Variants in TRPC3 observed in about 807,000 individuals in gnomAD.
TRPC3 encodes the protein transient receptor potential cation channel subfamily C member 3.
A neutral mutation model predicts 90.9 loss-of-function variants in TRPC3; 54 were observed. That is an observed-to-expected ratio of 0.59 (90% confidence interval 0.48 to 0.75). TRPC3 has a LOEUF of 0.75. TRPC3 is among the 30% of genes least tolerant of loss of function. The pLI, the probability that TRPC3 is intolerant of heterozygous loss-of-function variation, is 0.00. For missense variants in TRPC3, 918 were observed against 1,194.5 expected (o/e 0.77, Z 3.41); for synonymous variants, 424 against 450.9 (o/e 0.94, Z 0.75).
At chr4:121,940,882 G>C (rs1051238378) in intron 1 of TRPC3, among the ~76,000 whole-genome samples, 1 of 151,896 alleles carries the variant, frequency 6.6e-6, no homozygotes, top group African/African-American at 2.4e-5. Flanking sequence ...TTTTATTCTT[G>C]ACATATTATC....
intron 6 of TRPC3, among the ~76,000 whole-genome samples, chr4:121,909,645 A>G (rs13127488): frequency 0.26 from 39,641 of 151,920 alleles, 6,369 homozygotes; most frequent in East Asian, 0.43. Context: ...CATCCTCCCA[A>G]AATATTTCTG....
At chr4:121,881,363 C>T (rs1456172155) in intron 11 of TRPC3, among the ~76,000 whole-genome samples, 2 of 152,046 alleles carry the variant, frequency 1.3e-5, no homozygotes, top group Non-Finnish European at 2.9e-5. Context: ...CCGTTTTAGC[C>T]ATACAGTTCT....
At chr4:121,886,864 A>C (rs2149106934) in intron 10 of TRPC3, among the ~76,000 whole-genome samples, 1 of 152,312 alleles carries the variant, frequency 6.6e-6, no homozygotes, top group African/African-American at 2.4e-5. Context: ...TAAGGACTGC[A>C]ACCTGGGGAG....
chr4:121,948,206 T>C lies in TRPC3; in HGVS notation c.215+3260A>G, dbSNP rs1308178228. ...AAAAAAAAAAACAAAAAGAGAACTA[T>C]CTGAAAAATCAGATCCTCACCTTTG... On this transcript the variant is annotated intron_variant, in intron 1 of 11. Transcript: ENST00000379645. Among the ~76,000 whole-genome samples the C allele has an allele frequency of 3.9e-5, 6 of 151,930 alleles. No homozygotes were observed. In the East Asian group the frequency reaches 1.2e-3, roughly 29 times the overall value.
At chr4:121,947,271 G>C (rs1730522584) in intron 1 of TRPC3, among the ~76,000 whole-genome samples, 2 of 150,656 alleles carry the variant, frequency 1.3e-5, no homozygotes. Flanking sequence ...AACTATAACT[G>C]TAAAGAAAGC....
chr4:121,884,705 C>G, intron 10 of TRPC3, among the ~76,000 whole-genome samples: 1 of 152,156 alleles, frequency 6.6e-6, no homozygotes, highest in South Asian at 2.1e-4. Context: ...GCTCATTTTT[C>G]CAGTCACTGT....
chr4:121,900,162 C>T (rs982197980), intron 9 of TRPC3, among the ~76,000 whole-genome samples: 2 of 152,186 alleles, frequency 1.3e-5, no homozygotes, highest in Non-Finnish European at 2.9e-5. Flanking sequence ...AACACATCTT[C>T]CAAAGCATCT....
chr4:121,888,558 T>G (rs1346244440), intron 10 of TRPC3, among the ~76,000 whole-genome samples: 2 of 142,010 alleles, frequency 1.4e-5, no homozygotes, highest in Non-Finnish European at 3.1e-5. Flanking sequence ...GCAGACCAAG[T>G]TCTGTTTTTT....
At chr4:121,890,779 C>T (rs1728297107) in intron 10 of TRPC3, among the ~76,000 whole-genome samples, 1 of 151,850 alleles carries the variant, frequency 6.6e-6, no homozygotes, top group Non-Finnish European at 1.5e-5. Flanking sequence ...ATCATGAGGT[C>T]AGGAGATCGA....
chr4:121,887,109 G>A (rs79898202), intron 10 of TRPC3, among the ~76,000 whole-genome samples: 8,578 of 152,174 alleles, frequency 0.056, 522 homozygotes, highest in African/African-American at 0.15. Context: ...CTCAGGCGTG[G>A]GTAGAGGTAG....
At chr4:121,949,106 A>T (rs908595472) in intron 1 of TRPC3, among the ~76,000 whole-genome samples, 1 of 152,166 alleles carries the variant, frequency 6.6e-6, no homozygotes, top group African/African-American at 2.4e-5. Context: ...TTTGGAATTC[A>T]TCACATATAC....
intron 1 of TRPC3, among the ~76,000 whole-genome samples, chr4:121,942,175 T>C (rs1299478676): frequency 1.3e-5 from 2 of 152,226 alleles, no homozygotes; most frequent in Non-Finnish European, 2.9e-5. Flanking sequence ...CCAGCACTTA[T>C]AAGCCCAGAG....
chr4:121,876,167 G>A lies in TRPC3; in HGVS notation c.*3569C>T, dbSNP rs1317976212. ...ACCTGCTTCAACGTCCCAAAGTGCT[G>A]CGATTACAGGTGTGCACCACTGTGC... On this transcript the variant is annotated 3_prime_UTR_variant, in exon 12 of 12. Coordinates refer to ENST00000379645, the MANE Select transcript of TRPC3 (RefSeq NM_001130698.2). 6.6e-6 allele frequency among the ~76,000 whole-genome samples: 1 copy of A among 151,966 alleles called. No homozygotes were observed. The highest frequency in any genetic ancestry group is 1.9e-4 in the East Asian group (1 of 5,178).
chr4:121,921,875 T>C (rs1300645292), intron 3 of TRPC3, among the ~76,000 whole-genome samples: 1 of 151,528 alleles, frequency 6.6e-6, no homozygotes, highest in Admixed American at 6.6e-5. Flanking sequence ...TGGGTGAGTG[T>C]TGACTGAAAA....
Position 121,933,236 on chromosome 4 carries a change from T to A in TRPC3, c.216-194A>T, listed in dbSNP as rs1730017087. The stretch of plus-strand genomic sequence containing the variant: ...CTGTGATCTAACCCTGGCTGCTAGA[T>A]CCCAGAAGGAAGCCGGCAGCCCTTC... On this transcript the variant is annotated intron_variant, in intron 1 of 11. Coordinates refer to ENST00000379645, the MANE Select transcript of TRPC3 (RefSeq NM_001130698.2). 6 of 1,204,798 alleles carry A rather than the reference T, an allele frequency of 5.0e-6. No homozygotes were observed. The South Asian group carries it at 1.4e-4, about 28-fold the overall frequency. 74.6% of individuals were successfully genotyped at this position (1,204,798 alleles called of 1,614,324 possible).
intron 1 of TRPC3, among the ~76,000 whole-genome samples, chr4:121,939,252 A>G (rs896921254): frequency 1.3e-5 from 2 of 152,152 alleles, no homozygotes; most frequent in African/African-American, 4.8e-5. Flanking sequence ...GATCATGGAG[A>G]AGTTCAGATT....
At position 121,904,431 on chromosome 4, in the gene TRPC3, A is replaced by T. The variant is rs1288145887; in HGVS notation, c.2144T>A (p.Phe715Tyr). The T allele has an allele frequency of 3.7e-6, 6 of 1,606,548 alleles. No homozygotes were observed. Among genetic ancestry groups the T allele is most frequent in the Non-Finnish European group, 5.1e-6 (6 of 1,177,896 alleles). The change falls in exon 8 of 12, where the codon TTC (phenylalanine) becomes TAC (tyrosine). Residue 715 changes from phenylalanine to tyrosine, a missense_variant. Phe to Tyr is a conservative substitution (Grantham distance 22). Around this residue, in one of 4 missense-constraint regions of TRPC3, gnomAD observed 147 missense variants for 263.5 expected, o/e 0.56. Coordinates refer to ENST00000379645, the MANE Select transcript of TRPC3 (RefSeq NM_001130698.2). ...TSVVLKYDHK[F>Y]IENIGYVLYG... ...AAGAACGTATCCAATATTTTCTATG[A>T]ATTTGTGATCATATTTGAGCACAAC...
intron 5 of TRPC3, among the ~76,000 whole-genome samples, chr4:121,910,715 C>T (rs1421991658): frequency 6.6e-6 from 1 of 152,120 alleles, no homozygotes; most frequent in Non-Finnish European, 1.5e-5. Context: ...GGAGAGAAGG[C>T]TCTTCAAGTT....
chr4:121,922,944 T>C (rs777333699), intron 3 of TRPC3, among the ~76,000 whole-genome samples: 2 of 152,238 alleles, frequency 1.3e-5, no homozygotes, highest in Non-Finnish European at 2.9e-5. Context: ...CACATTTGAC[T>C]ATCTTATGAA....
Sources: gnomAD v4.1 joint callset for allele counts (sites outside exome capture counted in the v4.1 genomes callset) on GRCh38, gnomAD v4.1.1 for gene constraint, gnomAD v4.1.1 regional missense constraint, MANE v1.5 for transcripts, NCBI Gene and HGNC (gene_info 2026-07-23, HGNC 2026-07-21) for gene names.